CENPE: variants seen among roughly 807,000 people sequenced by gnomAD.
CENPE encodes centromere protein E, also known as centromere-associated protein E.
CENPE carries 145 observed loss-of-function variants against 336.1 expected under a neutral mutation model. The observed-to-expected ratio is 0.43, with a 90% confidence interval of 0.38 to 0.50. The LOEUF (loss-of-function observed/expected upper bound fraction) is 0.50. CENPE is among the 20% of genes least tolerant of loss of function. The probability of loss-of-function intolerance (pLI) is 0.00; values close to 1 mark genes in which losing one functional copy is unlikely to be tolerated. For missense variants in CENPE, 2,719 were observed against 3,023.3 expected (o/e 0.90, Z 2.36); for synonymous variants, 1,013 against 984.8 (o/e 1.03, Z -0.54).
rs1268698099 is a variant in CENPE, at chr4:103,139,910, T to A, written c.6083A>T (p.His2028Leu). ...MDNFQLTKKL[H>L]ESLEEIRIVA... ...AATTCTTATTTCTTCAAGGCTTTCA[T>A]GAAGTTTCTTAGTCAACTGGAAGTT... The change falls in exon 38 of 49, where the codon CAT becomes CTT. Residue 2028 changes from histidine to leucine, a missense_variant. Transcript: ENST00000265148. 1.9e-6 allele frequency: 3 copies of A among 1,613,492 alleles called. No individual in the cohort carries two copies. In the Admixed American group the frequency reaches 5.0e-5, roughly 27 times the overall value.
intron 36 of CENPE, 37 bp downstream of exon 36, chr4:103,140,777 G>A (rs1185452822): frequency 1.3e-6 from 2 of 1,522,608 alleles, no homozygotes; most frequent in East Asian, 4.5e-5. Context: ...CCAAATATGT[G>A]AATATAATGG....
At chr4:103,114,893 T>A (rs1225160392) in intron 45 of CENPE, among the ~76,000 whole-genome samples, 2 of 152,168 alleles carry the variant, frequency 1.3e-5, no homozygotes, top group African/African-American at 4.8e-5. Context: ...TATTTGAAGG[T>A]ATAAGGAGCA....
chr4:103,172,853 A>G (rs940830067), intron 16 of CENPE, among the ~76,000 whole-genome samples: 6 of 152,034 alleles, frequency 3.9e-5, no homozygotes, highest in Non-Finnish European at 8.8e-5. Flanking sequence ...AACGTTAATG[A>G]AAGAATTTGA....
intron 13 of CENPE, among the ~76,000 whole-genome samples, chr4:103,178,013 T>C (rs144242211): frequency 3.8e-4 from 58 of 152,016 alleles, no homozygotes; most frequent in African/African-American, 1.2e-3. Flanking sequence ...TCAGGGGCTA[T>C]TTAGCTCTGT....
chr4:103,108,858 T>A lies in CENPE; in HGVS notation c.7956A>T (p.Leu2652Phe). 6.2e-7 allele frequency: 1 copy of A among 1,613,912 alleles called. No homozygotes were observed. Among genetic ancestry groups the A allele is most frequent in the South Asian group, 1.1e-5 (1 of 91,076 alleles). Residue 2652 changes from leucine (L) to phenylalanine (F), a missense_variant, in exon 48 of 49, where the codon TTA (leucine) becomes TTT (phenylalanine). Leu to Phe is a conservative substitution (Grantham distance 22). This residue lies in a region of CENPE where 2,437 missense variants were observed against 2,513.3 expected (regional missense o/e 0.97). Coordinates refer to ENST00000265148, the MANE Select transcript of CENPE (RefSeq NM_001813.3). ...AATAGCGAACTGGATGAGGTGATGG[T>A]AAAGACTTTGATCGGCTATCAAAAA... ...SCFFDSRSKS[L>F]PSPHPVRYFD...
At chr4:103,187,359 A>C (rs1366459916) in intron 8 of CENPE, among the ~76,000 whole-genome samples, 1 of 152,178 alleles carries the variant, frequency 6.6e-6, no homozygotes, top group Non-Finnish European at 1.5e-5. Flanking sequence ...GATTCACCAA[A>C]GTTGAAATGA....
intron 24 of CENPE, among the ~76,000 whole-genome samples, chr4:103,154,396 T>C (rs1753802667): frequency 1.3e-5 from 2 of 152,176 alleles, no homozygotes; most frequent in South Asian, 4.1e-4. Flanking sequence ...TTTTCACATG[T>C]TGTTATGTAA....
At chr4:103,132,577 T>A in intron 42 of CENPE, 116 bp downstream of exon 42, 1 of 477,316 alleles carries the variant, frequency 2.1e-6, no homozygotes. Flanking sequence ...TCAAATCAAT[T>A]TTTTTAAAGC....
chr4:103,184,262 G>A (rs1393688253), intron 9 of CENPE, among the ~76,000 whole-genome samples: 1 of 152,194 alleles, frequency 6.6e-6, no homozygotes, highest in Non-Finnish European at 1.5e-5. Context: ...TGCAGAATGA[G>A]CTCAAGTCTG....
At position 103,160,088 on chromosome 4, in the gene CENPE, G is replaced by T. The variant is rs1754309267; in HGVS notation, c.2286+537C>A. Among the ~76,000 whole-genome samples the T allele has an allele frequency of 3.3e-5, 5 of 151,824 alleles. No individual in the cohort carries two copies. In the South Asian group the frequency reaches 1.0e-3, roughly 31 times the overall value. On this transcript the variant is annotated intron_variant, in intron 21 of 48. Transcript: ENST00000265148. The stretch of plus-strand genomic sequence containing the variant: ...TTATAAGACGAGTAAATGAAATAAT[G>T]TTTTTGAAGTTCTTTAGCATGATGT...
rs766340058 is a variant in CENPE, at chr4:103,138,340, G to C, written c.6303+11C>G. 6.4e-7 allele frequency: 1 copy of C among 1,555,352 alleles called. No homozygotes were observed. Among genetic ancestry groups the C allele is most frequent in the South Asian group, 1.1e-5 (1 of 89,994 alleles). Reference sequence around the variant, plus strand: ...CAATAATCATTTGTAGTTTTAACAGGGGGTACTTACTTTTATTCTAGAGCA... The same window carrying C: ...CAATAATCATTTGTAGTTTTAACAGCGGGTACTTACTTTTATTCTAGAGCA... On this transcript the variant is annotated intron_variant, in intron 39 of 48. Transcript: ENST00000265148.
chr4:103,193,450 G>T (rs1421621117), intron 8 of CENPE, among the ~76,000 whole-genome samples: 1 of 151,952 alleles, frequency 6.6e-6, no homozygotes, highest in African/African-American at 2.4e-5. Flanking sequence ...TTTTTTCCCT[G>T]AAGTTTTCTA....
intron 1 of CENPE, among the ~76,000 whole-genome samples, chr4:103,197,246 C>G (rs1395176309): frequency 2.0e-5 from 3 of 152,252 alleles, no homozygotes; most frequent in Admixed American, 6.5e-5. Flanking sequence ...ATCCTAAGCT[C>G]TACCTGAAGG....
At chr4:103,129,975 T>C (rs2623082) in intron 42 of CENPE, among the ~76,000 whole-genome samples, 24,559 of 152,104 alleles carry the variant, frequency 0.16, 2,359 homozygotes, top group Non-Finnish European at 0.2. Context: ...CCAATACCCA[T>C]TCATAATTTA....
intron 24 of CENPE, among the ~76,000 whole-genome samples, chr4:103,153,935 A>C (rs1753762002): frequency 6.6e-6 from 1 of 152,114 alleles, no homozygotes; most frequent in African/African-American, 2.4e-5. Context: ...ATCTTTTCTT[A>C]ATATATGTAT....
chr4:103,195,683 T>A (rs1757680778), intron 4 of CENPE, among the ~76,000 whole-genome samples: 1 of 152,136 alleles, frequency 6.6e-6, no homozygotes, highest in African/African-American at 2.4e-5. Flanking sequence ...TACTTTTTGT[T>A]GAGAGTATTA....
At chr4:103,132,936 A>ACT (rs769634176) in intron 41 of CENPE, 40 bp from the exon 42 acceptor site, 4 of 593,024 alleles carry the variant, frequency 6.7e-6, no homozygotes, top group Middle Eastern at 3.7e-4. Flanking sequence ...AAACATTAGG[A>ACT]AAGTTTTGAT....
rs1248082806 is a variant in CENPE, at chr4:103,195,176, T to G, written c.415A>C (p.Ile139Leu). 6.3e-7 allele frequency: 1 copy of G among 1,590,332 alleles called. No homozygotes were observed. Among genetic ancestry groups the G allele is most frequent in the South Asian group, 1.2e-5 (1 of 86,152 alleles). Residue 139 changes from isoleucine (I) to leucine (L), a missense_variant, in exon 5 of 49, where the codon ATT becomes CTT. By Grantham distance (5) the Ile-to-Leu change is conservative. Transcript: ENST00000265148. Reference protein sequence around the residue: ...VSYMEIYNETITDLLCGTQKM... With the variant: ...VSYMEIYNETLTDLLCGTQKM... The stretch of plus-strand genomic sequence containing the variant: ...TGAGTGCCACAGAGTAAATCTGTAA[T>G]GGTTTCATTGTATATTTCCATGTAA...
chr4:103,114,934 T>C (rs2125848137), intron 45 of CENPE, among the ~76,000 whole-genome samples: 1 of 152,294 alleles, frequency 6.6e-6, no homozygotes, highest in South Asian at 2.1e-4. Context: ...TATTTCTGTA[T>C]GGTCAGGAAA....
Sources: gnomAD v4.1 joint callset for allele counts (sites outside exome capture counted in the v4.1 genomes callset) on GRCh38, gnomAD v4.1.1 for gene constraint, gnomAD v4.1.1 regional missense constraint, MANE v1.5 for transcripts, NCBI Gene and HGNC (gene_info 2026-07-23, HGNC 2026-07-21) for gene names.